Variants in ADAMTS17 observed in about 807,000 individuals in gnomAD.
ADAMTS17 encodes ADAM metallopeptidase with thrombospondin type 1 motif 17.
A neutral mutation model predicts 141.5 loss-of-function variants in ADAMTS17; 113 were observed. The observed-to-expected ratio is 0.80, with a 90% CI of 0.69 to 0.93. The LOEUF (loss-of-function observed/expected upper bound fraction) is 0.93. ADAMTS17 is among the 40% of genes least tolerant of loss of function. The probability of loss-of-function intolerance (pLI) is 0.00; values close to 1 mark genes in which losing one functional copy is unlikely to be tolerated. For missense variants in ADAMTS17, 1,659 were observed against 1,517.9 expected, an observed-to-expected ratio of 1.09 and a Z score of -1.54; for synonymous variants, 768 against 630.6, an observed-to-expected ratio of 1.22 and a Z score of -3.27.
At chr15:100,308,348 C>T (rs2045293228) in intron 3 of ADAMTS17, among the ~76,000 whole-genome samples, 1 of 152,178 alleles carries the variant, frequency 6.6e-6, no homozygotes, top group South Asian at 2.1e-4. Context: ...AGGAAAAAAG[C>T]AAAAGACGAC....
chr15:100,134,504 C>T (rs1040101916), intron 10 of ADAMTS17, among the ~76,000 whole-genome samples: 1 of 152,190 alleles, frequency 6.6e-6, no homozygotes, highest in African/African-American at 2.4e-5. Context: ...TGCTGCTTCA[C>T]ACTGAGCAGG....
chr15:100,140,223 T>C (rs1469112006), intron 10 of ADAMTS17, among the ~76,000 whole-genome samples: 1 of 152,090 alleles, frequency 6.6e-6, no homozygotes, highest in Non-Finnish European at 1.5e-5. Flanking sequence ...CTCAAACCCC[T>C]AACCTCTGGT....
intron 9 of ADAMTS17, among the ~76,000 whole-genome samples, chr15:100,154,296 G>A (rs1017133636): frequency 5.9e-5 from 9 of 152,168 alleles, no homozygotes; most frequent in African/African-American, 1.4e-4. Flanking sequence ...AATACTCAGT[G>A]GGAAGTAGAC....
At chr15:100,062,570 G>C (rs955230585) in intron 15 of ADAMTS17, among the ~76,000 whole-genome samples, 11 of 152,178 alleles carry the variant, frequency 7.2e-5, no homozygotes, top group African/African-American at 2.7e-4. Context: ...TTCAAAGAAA[G>C]ACTCCGACTT....
At chr15:100,034,577 T>C (rs1354737229) in intron 18 of ADAMTS17, among the ~76,000 whole-genome samples, 1 of 152,246 alleles carries the variant, frequency 6.6e-6, no homozygotes, top group African/African-American at 2.4e-5. Flanking sequence ...ACCCCGCGTG[T>C]ACACCATTGT....
intron 10 of ADAMTS17, among the ~76,000 whole-genome samples, chr15:100,151,456 C>A (rs566481222): frequency 1.3e-5 from 2 of 152,198 alleles, no homozygotes; most frequent in Non-Finnish European, 2.9e-5. Flanking sequence ...GGCATTGGGA[C>A]CGCATTCTGG....
At chr15:100,227,018 T>C (rs1187803029) in intron 7 of ADAMTS17, among the ~76,000 whole-genome samples, 1 of 152,124 alleles carries the variant, frequency 6.6e-6, no homozygotes, top group Admixed American at 6.5e-5. Flanking sequence ...CTGGGCAGAA[T>C]AAGAAAAGCA....
At chr15:100,048,589 A>ATTTTTTTTT (rs3062438) in intron 18 of ADAMTS17, among the ~76,000 whole-genome samples, 1 of 92,356 alleles carries the variant, frequency 1.1e-5, no homozygotes, top group Admixed American at 1.2e-4. Context: ...GGTGATGGCC[A>ATTTTTTTTT]TTTTTTTTTT....
chr15:100,198,511 A>C (rs2041204765), intron 8 of ADAMTS17, among the ~76,000 whole-genome samples: 1 of 152,198 alleles, frequency 6.6e-6, no homozygotes, highest in African/African-American at 2.4e-5. Context: ...TATTCAATCC[A>C]ATATAAACCT....
rs181118533 is a variant in ADAMTS17 at position 100,020,298 on chromosome 15, G to A, written c.2592-22709C>T. Among the ~76,000 whole-genome samples, 211 of 152,322 alleles carry A rather than the reference G, an allele frequency of 1.4e-3. 1 individual carries two copies. The highest frequency in any genetic ancestry group is 4.8e-3 in the African/African-American group (200 of 41,574). ...CAAGGATCTCAGAAAATGTCCTGGG[G>A]CAAGGTAGGGAGGTGCTCAGCAGTC... On this transcript the variant is annotated intron_variant, in intron 18 of 21. Coordinates refer to ENST00000268070, the MANE Select transcript of ADAMTS17 (RefSeq NM_139057.4).
rs186851213 is a variant in ADAMTS17, at chr15:100,314,137, A to G, written c.616+16752T>C. Among the ~76,000 whole-genome samples, 80 of 152,358 alleles carry G rather than the reference A, an allele frequency of 5.3e-4. 1 individual carries two copies. Among genetic ancestry groups the G allele is most frequent in the African/African-American group, 1.8e-3 (75 of 41,572 alleles). On this transcript the variant is annotated intron_variant, in intron 3 of 21. Coordinates refer to ENST00000268070, the MANE Select transcript of ADAMTS17 (RefSeq NM_139057.4). ...CCTACAAAATAACTAGTCTATACTA[A>G]TATTTTGGGGAAAAAATGTGAAGAT... is the stretch of plus-strand genomic sequence containing the variant.
intron 6 of ADAMTS17, among the ~76,000 whole-genome samples, chr15:100,257,334 A>G (rs2043360444): frequency 6.6e-6 from 1 of 152,140 alleles, no homozygotes; most frequent in Non-Finnish European, 1.5e-5. Flanking sequence ...TTCCTGGCCA[A>G]CTCAGCTTCC....
At chr15:99,988,951 G>A (rs1214330244) in intron 20 of ADAMTS17, among the ~76,000 whole-genome samples, 1 of 152,190 alleles carries the variant, frequency 6.6e-6, no homozygotes, top group Non-Finnish European at 1.5e-5. Flanking sequence ...TACCAGGAAG[G>A]TCAAGGTATG....
Position 100,132,023 on chromosome 15 carries a change from T to C in ADAMTS17, c.1705A>G (p.Lys569Glu). The C allele has an allele frequency of 1.9e-6, 3 of 1,614,210 alleles. No homozygotes were observed. Among genetic ancestry groups the C allele is most frequent in the Non-Finnish European group, 1.7e-6 (2 of 1,180,040 alleles). The stretch of plus-strand genomic sequence containing the variant: ...GGGACTTACGGGGGGTTGTCACATT[T>C]CCTCTGCCTGAAGCGGGCTCCCGTC... ...CGTGARFRQR[K>E]CDNPPPGPGG... Residue 569 changes from lysine (K) to glutamate (E), a missense_variant, in exon 12 of 22, where the codon AAA becomes GAA. Coordinates refer to ENST00000268070, the MANE Select transcript of ADAMTS17 (RefSeq NM_139057.4).
chr15:100,010,815 C>A (rs2061151610), intron 18 of ADAMTS17, among the ~76,000 whole-genome samples: 1 of 152,196 alleles, frequency 6.6e-6, no homozygotes, highest in Admixed American at 6.5e-5. Context: ...CCCAGGGGAC[C>A]CAGAGGGACG....
At chr15:100,092,441 T>G (rs574938963) in intron 15 of ADAMTS17, among the ~76,000 whole-genome samples, 1 of 152,332 alleles carries the variant, frequency 6.6e-6, no homozygotes, top group Admixed American at 6.5e-5. Flanking sequence ...TGAGAAACAC[T>G]TGGGAACAGC....
intron 14 of ADAMTS17, among the ~76,000 whole-genome samples, chr15:100,108,583 G>A (rs2036550119): frequency 6.6e-6 from 1 of 152,196 alleles, no homozygotes; most frequent in Non-Finnish European, 1.5e-5. Context: ...CCTGACAGCT[G>A]GGCGCACCTA....
At chr15:100,275,277 A>T (rs1393023212) in intron 4 of ADAMTS17, among the ~76,000 whole-genome samples, 4 of 152,242 alleles carry the variant, frequency 2.6e-5, no homozygotes, top group Admixed American at 6.5e-5. Flanking sequence ...TCCTGGCCAC[A>T]CAGGCTGGAG....
rs767325627 is a variant in ADAMTS17 at position 99,993,167 on chromosome 15, G to A, written c.2830C>T (p.Arg944Trp). 12 of 1,614,010 alleles carry A rather than the reference G, an allele frequency of 7.4e-6. No individual in the cohort carries two copies. Among genetic ancestry groups the A allele is most frequent in the East Asian group, 2.2e-5 (1 of 44,888 alleles). Reference protein sequence around the residue: ...SASCGKGVWKRTVACTNSQGK... With the variant: ...SASCGKGVWKWTVACTNSQGK... ...TGTGAGTTGGTGCACGCCACGGTCC[G>A]TTTCCACACCCCTTTACCACAGCTG... The change falls in exon 20 of 22, where the codon CGG (arginine) becomes TGG (tryptophan). Residue 944 changes from arginine to tryptophan, a missense_variant. Coordinates refer to ENST00000268070, the MANE Select transcript of ADAMTS17 (RefSeq NM_139057.4). This position sits in a 1 kb window ranked among gnomAD's most constrained non-coding sequence, Gnocchi z 4.3.
Sources: allele counts gnomAD v4.1 joint callset (sites outside exome capture counted in the v4.1 genomes callset), GRCh38; gene constraint gnomAD v4.1.1; non-coding constraint Gnocchi (gnomAD v3.1); transcripts MANE v1.5; gene names NCBI Gene and HGNC (gene_info 2026-07-23, HGNC 2026-07-21).